AREG: variants seen among roughly 807,000 people sequenced by gnomAD.
AREG encodes amphiregulin B.
Under a neutral mutation model 28.0 loss-of-function variants are expected in AREG, and 16 were observed. The ratio of observed to expected loss-of-function variants is 0.57; its 90% CI spans 0.39 to 0.87. The LOEUF is 0.87. Among genes scored for constraint, AREG ranks in the 40% least tolerant of loss-of-function variants. The probability of loss-of-function intolerance (pLI) is 0.00; values close to 1 mark genes in which losing one functional copy is unlikely to be tolerated. For missense variants in AREG, 287 were observed against 309.1 expected, an observed-to-expected ratio of 0.93 and a Z score of 0.53; for synonymous variants, 113 against 113.5, an observed-to-expected ratio of 1.00 and a Z score of 0.02.
intron 5 of AREG, among the ~76,000 whole-genome samples, chr4:74,453,424 G>A (rs1719411934): frequency 1.3e-5 from 2 of 152,144 alleles, no homozygotes; most frequent in African/African-American, 4.8e-5. Flanking sequence ...AAGGTAAAAA[G>A]GCGTGAAGAG....
chr4:74,454,895 G>T lies in AREG; in HGVS notation c.*155G>T. 1.5e-6 allele frequency: 1 copy of T among 688,612 alleles called. No homozygotes were observed. The highest frequency in any genetic ancestry group is 2.6e-6 in the Non-Finnish European group (1 of 379,502). 42.7% of individuals were successfully genotyped at this position (688,612 alleles called of 1,614,324 possible). ...AATTGTCACTTTTTATGCTATTTCTGTATATAAAGGTGCACGAAGGTAAAA... is the reference window on the plus strand; with the variant it reads ...AATTGTCACTTTTTATGCTATTTCTTTATATAAAGGTGCACGAAGGTAAAA... On this transcript the variant is annotated 3_prime_UTR_variant, in exon 6 of 6. Transcript: ENST00000395748.
At chr4:74,448,949 C>A in intron 2 of AREG, 98 bp from the exon 3 acceptor site, 1 of 1,520,294 alleles carries the variant, frequency 6.6e-7, no homozygotes, top group Admixed American at 1.9e-5. Flanking sequence ...ATGGCTGTTA[C>A]CCCTGTGAGC....
intron 2 of AREG, 130 bp from the exon 3 acceptor site, chr4:74,448,917 T>C (rs1719336143): frequency 1.1e-5 from 14 of 1,288,256 alleles, no homozygotes; most frequent in Non-Finnish European, 1.3e-5. Context: ...ACTTTTATAT[T>C]GTGTTAGGTA....
chr4:74,449,355 A>C, intron 3 of AREG, 107 bp downstream of exon 3: 1 of 1,560,026 alleles, frequency 6.4e-7, no homozygotes, highest in South Asian at 1.2e-5. Context: ...AAGGGTCAGT[A>C]AACTTTTTGT....
At chr4:74,449,303 C>A in intron 3 of AREG, 55 bp downstream of exon 3, 1 of 1,610,110 alleles carries the variant, frequency 6.2e-7, no homozygotes, top group South Asian at 1.1e-5. Flanking sequence ...TGTCTGAAAC[C>A]CCTAACTGCA....
intron 5 of AREG, among the ~76,000 whole-genome samples, chr4:74,454,043 T>C (rs1311913929): frequency 6.6e-6 from 1 of 152,366 alleles, no homozygotes; most frequent in South Asian, 2.1e-4. Flanking sequence ...GTTCTGATAC[T>C]TGAACAACGC....
chr4:74,448,304 A>G (rs1214355887), intron 2 of AREG, among the ~76,000 whole-genome samples: 5 of 152,334 alleles, frequency 3.3e-5, no homozygotes, highest in Admixed American at 2.6e-4. Context: ...CTTTTGTTAA[A>G]TGTTATTATA....
intron 2 of AREG, 186 bp from the exon 3 acceptor site, chr4:74,448,861 T>C (rs1719334134): frequency 2.4e-6 from 2 of 829,230 alleles, no homozygotes; most frequent in Admixed American, 3.4e-5. Flanking sequence ...TACTTTCAGG[T>C]AGAAAAAACT....
intron 1 of AREG, 110 bp from the exon 2 acceptor site, chr4:74,446,424 G>T: frequency 6.3e-7 from 1 of 1,586,666 alleles, no homozygotes. Context: ...AATAGCACAT[G>T]TGCAATAACT....
chr4:74,452,960 C>A (rs985617764), intron 5 of AREG, among the ~76,000 whole-genome samples: 1 of 152,056 alleles, frequency 6.6e-6, no homozygotes, highest in Admixed American at 6.6e-5. Flanking sequence ...AAATAAATGT[C>A]ATGAGAAAGG....
intron 2 of AREG, 112 bp downstream of exon 2, chr4:74,446,894 C>A: frequency 6.2e-7 from 1 of 1,602,430 alleles, no homozygotes; most frequent in South Asian, 1.1e-5. Flanking sequence ...TATTGTATAT[C>A]TGTTGGATAG....
chr4:74,448,152 C>G (rs1160909280), intron 2 of AREG, among the ~76,000 whole-genome samples: 7 of 152,334 alleles, frequency 4.6e-5, no homozygotes, highest in African/African-American at 1.7e-4. Context: ...AGTTTGTAAT[C>G]TATCTGACAA....
chr4:74,450,508 C>T lies in AREG; in HGVS notation c.641C>T (p.Thr214Ile). 6.2e-7 allele frequency: 1 copy of T among 1,613,944 alleles called. No individual in the cohort carries two copies. The highest frequency in any genetic ancestry group is 8.5e-7 in the Non-Finnish European group (1 of 1,179,850). Residue 214 changes from threonine to isoleucine, a missense_variant, in exon 4 of 6, where the codon ACA (threonine) becomes ATA (isoleucine). Physicochemically the swap from Thr to Ile is moderately conservative, Grantham distance 89 (BLOSUM62 -1). Transcript: ENST00000395748. Reference protein sequence around the residue: ...IAAFMSAVILTAVAVITVQLR... With the variant: ...IAAFMSAVILIAVAVITVQLR... ...GCCTTTATGTCTGCTGTGATCCTCA[C>T]AGCTGTTGCTGTTATTACAGTCCAG...
At chr4:74,453,249 C>T (rs1379981955) in intron 5 of AREG, among the ~76,000 whole-genome samples, 3 of 152,078 alleles carry the variant, frequency 2.0e-5, no homozygotes, top group Non-Finnish European at 4.4e-5. Flanking sequence ...GCCACAGTTG[C>T]GGGTGCTTGC....
intron 2 of AREG, among the ~76,000 whole-genome samples, chr4:74,447,651 G>A (rs1306746179): frequency 2.6e-5 from 4 of 152,150 alleles, no homozygotes; most frequent in Non-Finnish European, 4.4e-5. Context: ...CAGAGGCAGG[G>A]CAAGATGGTT....
rs1719245149 is a variant in AREG, at chr4:74,445,139, C to G, written c.-207C>G. ...CGGCAGGTGCGCGCCGCCCTACAGA[C>G]GTTCGCACACCTGGGTGCCAGCGCC... is the stretch of plus-strand genomic sequence containing the variant. On this transcript the variant is annotated 5_prime_UTR_variant, in exon 1 of 6. Coordinates refer to ENST00000395748, the MANE Select transcript of AREG (RefSeq NM_001657.4). 8.8e-7 allele frequency: 1 copy of G among 1,130,162 alleles called. No individual in the cohort carries two copies. Among genetic ancestry groups the G allele is most frequent in the Non-Finnish European group, 1.2e-6 (1 of 821,040 alleles). 70.0% of individuals were successfully genotyped at this position (1,130,162 alleles called of 1,614,324 possible).
Position 74,446,662 on chromosome 4 carries a change from TC to T in AREG, c.194del (p.Pro65LeufsTer2). On this transcript the variant is annotated frameshift_variant, in exon 2 of 6. Coordinates refer to ENST00000395748, the MANE Select transcript of AREG (RefSeq NM_001657.4). LOFTEE classifies it high-confidence loss of function. ...RSEMSSGSEI[S>X]PVSEMPSSSE... ...TGAGATGTCTTCAGGGAGTGAGATTTCCCCTGTGAGTGAAATGCCTTCTAGT... is the reference window on the plus strand; with the variant it reads ...TGAGATGTCTTCAGGGAGTGAGATTTCCCTGTGAGTGAAATGCCTTCTAGT... 3 of 1,613,952 alleles carry T rather than the reference TC, an allele frequency of 1.9e-6. No individual in the cohort carries two copies. Among genetic ancestry groups the T allele is most frequent in the Non-Finnish European group, 2.5e-6 (3 of 1,179,866 alleles).
intron 2 of AREG, among the ~76,000 whole-genome samples, chr4:74,447,958 A>G (rs1371631527): frequency 2.0e-5 from 3 of 152,244 alleles, no homozygotes; most frequent in African/African-American, 7.2e-5. Context: ...AGTTGTTAAC[A>G]CTTCAGAAGG....
At chr4:74,449,849 G>C (rs947795307) in intron 3 of AREG, among the ~76,000 whole-genome samples, 1 of 151,762 alleles carries the variant, frequency 6.6e-6, no homozygotes, top group Non-Finnish European at 1.5e-5. Context: ...TGATCCATGG[G>C]CTGTAGTTTC....
Sources: allele counts gnomAD v4.1 joint callset (sites outside exome capture counted in the v4.1 genomes callset), GRCh38; gene constraint gnomAD v4.1.1; transcripts MANE v1.5; gene names NCBI Gene and HGNC (gene_info 2026-07-23, HGNC 2026-07-21).